The following IL4I1 variants were observed in gnomAD, a reference collection of about 807,000 sequenced individuals.
IL4I1 encodes L-amino-acid oxidase.
Under a neutral mutation model 29.7 loss-of-function variants are expected in IL4I1, and 24 were observed. That is an observed-to-expected ratio of 0.81 (90% CI 0.59 to 1.14). IL4I1 has a LOEUF of 1.14. Among genes scored for constraint, IL4I1 ranks in the 50% most tolerant of loss-of-function variants. IL4I1 has a pLI of 0.00. For synonymous variants in IL4I1, 371 were observed against 352.5 expected, an observed-to-expected ratio of 1.05 and a Z score of -0.59; for missense variants, 686 against 785.6, an observed-to-expected ratio of 0.87 and a Z score of 1.52.
intron 5 of IL4I1, among the ~76,000 whole-genome samples, chr19:49,893,169 C>T (rs1171163423): frequency 2.0e-5 from 3 of 152,100 alleles, no homozygotes; most frequent in African/African-American, 7.2e-5. Flanking sequence ...AGACTTTGTC[C>T]TGGAGGCAGC....
chr19:49,924,865 C>T lies in IL4I1; in HGVS notation c.-228+2829G>A, dbSNP rs556644943. Among the ~76,000 whole-genome samples, 6 of 152,286 alleles carry T rather than the reference C, an allele frequency of 3.9e-5. No individual in the cohort carries two copies. The East Asian group carries it at 9.6e-4, about 24-fold the overall frequency. ...TAGCTAGAGAGAAAAGGCGGCAAAA[C>T]GGTGGGGAGGGGAAGCAGAGTCCCT... is the stretch of plus-strand genomic sequence containing the variant. On this transcript the variant is annotated intron_variant, in intron 2 of 9. Coordinates refer to the IL4I1 transcript ENST00000341114.
upstream of IL4I1, among the ~76,000 whole-genome samples, chr19:49,901,373 G>A (rs563312164): frequency 6.6e-6 from 1 of 152,300 alleles, no homozygotes; most frequent in East Asian, 1.9e-4. Context: ...TACAGAGCGA[G>A]ACTCTGTCTC....
At chr19:49,891,190 C>A in intron 6 of IL4I1, 83 bp from the exon 7 acceptor site, 1 of 1,552,016 alleles carries the variant, frequency 6.4e-7, no homozygotes, top group South Asian at 1.2e-5. Flanking sequence ...GCCTCCTGGT[C>A]CCATGACATG....
At chr19:49,924,195 C>T (rs1459219523) in intron 2 of IL4I1, among the ~76,000 whole-genome samples, 2 of 152,276 alleles carry the variant, frequency 1.3e-5, no homozygotes, top group Non-Finnish European at 2.9e-5. Flanking sequence ...GCTGAGGTCC[C>T]ATCTAACTGG....
chr19:49,903,836 T>TG (rs74182075), intron 3 of IL4I1, among the ~76,000 whole-genome samples: 19,257 of 128,262 alleles, frequency 0.15, 1,943 homozygotes, highest in Non-Finnish European at 0.2. Context: ...CTGGGTTTTT[T>TG]TTTTTTTTTT....
At chr19:49,907,121 C>A (rs563598151) in intron 2 of IL4I1, 2 of 160,088 alleles carry the variant, frequency 1.2e-5, no homozygotes, top group Non-Finnish European at 2.8e-5. Flanking sequence ...TGGGGACACA[C>A]GGGGAACGAC....
intron 2 of IL4I1, among the ~76,000 whole-genome samples, chr19:49,918,143 T>A (rs1339381276): frequency 6.6e-6 from 1 of 151,852 alleles, no homozygotes; most frequent in Non-Finnish European, 1.5e-5. Flanking sequence ...CACAGCTCAC[T>A]GCAGCCTCGA....
chr19:49,910,654 C>A (rs2075440560), intron 2 of IL4I1, among the ~76,000 whole-genome samples: 3 of 150,502 alleles, frequency 2.0e-5, no homozygotes, highest in Admixed American at 2.0e-4. Flanking sequence ...CCTTGGACAC[C>A]TTCTCAACCA....
At chr19:49,922,434 C>A (rs558103966) in intron 2 of IL4I1, among the ~76,000 whole-genome samples, 103 of 152,228 alleles carry the variant, frequency 6.8e-4, no homozygotes, top group Admixed American at 6.1e-3. Context: ...ACTGTCCTCC[C>A]CTCCTTCACA....
chr19:49,922,243 G>A (rs1303855645), intron 2 of IL4I1, among the ~76,000 whole-genome samples: 1 of 152,182 alleles, frequency 6.6e-6, no homozygotes, highest in Non-Finnish European at 1.5e-5. Flanking sequence ...CCTTATTGAG[G>A]TGCCCTGCGA....
At chr19:49,914,608 C>G (rs2075570248) in intron 2 of IL4I1, among the ~76,000 whole-genome samples, 1 of 151,892 alleles carries the variant, frequency 6.6e-6, no homozygotes, top group East Asian at 1.9e-4. Flanking sequence ...CATCTGAATT[C>G]AGGTGGGCAT....
chr19:49,903,830 GTT>G (rs113175852), intron 3 of IL4I1, among the ~76,000 whole-genome samples: 33 of 66,506 alleles, frequency 5.0e-4, no homozygotes, highest in African/African-American at 2.0e-3. Context: ...TATGTGCTGG[GTT>G]TTTTTTTTTT....
intron 2 of IL4I1, chr19:49,907,980 G>A (rs2075361337): frequency 1.9e-5 from 12 of 642,612 alleles, no homozygotes; most frequent in Non-Finnish European, 2.6e-5. Context: ...GTGGGTGGTC[G>A]CAGTAGGTGA....
In IL4I1 at chr19:49,908,946, T is replaced by C. The variant is rs766592622; in HGVS notation, c.-227-4625A>G. Reference sequence around the variant, plus strand: ...GGTTTTAAATTCAAGGCAAAGCCGGTGGTGCTGCTGCTGCTGGTGGTGGTG... The same window carrying C: ...GGTTTTAAATTCAAGGCAAAGCCGGCGGTGCTGCTGCTGCTGGTGGTGGTG... On this transcript the variant is annotated intron_variant, in intron 2 of 9. Transcript: ENST00000341114. 5.0e-6 allele frequency: 8 copies of C among 1,608,860 alleles called. No homozygotes were observed. The East Asian group carries it at 1.3e-4, about 27-fold the overall frequency.
chr19:49,922,380 C>G (rs1341749116), intron 2 of IL4I1, among the ~76,000 whole-genome samples: 1 of 152,090 alleles, frequency 6.6e-6, no homozygotes, highest in Non-Finnish European at 1.5e-5. Flanking sequence ...CATCCTGAAC[C>G]TCAGGAAGGA....
chr19:49,919,682 C>G (rs763883178), intron 2 of IL4I1, among the ~76,000 whole-genome samples: 1 of 152,102 alleles, frequency 6.6e-6, no homozygotes, highest in Non-Finnish European at 1.5e-5. Flanking sequence ...GAGCTCTGGT[C>G]GCAGGACCAA....
chr19:49,914,406 G>C (rs1235583023), intron 2 of IL4I1, among the ~76,000 whole-genome samples: 1 of 152,168 alleles, frequency 6.6e-6, no homozygotes, highest in East Asian at 1.9e-4. Flanking sequence ...ACCATCTGTA[G>C]TTCACCCAGG....
chr19:49,891,317 C>A, intron 6 of IL4I1, 88 bp downstream of exon 6: 2 of 1,488,834 alleles, frequency 1.3e-6, no homozygotes, highest in Middle Eastern at 1.8e-4. Context: ...GACTAGGGTG[C>A]CAGGTACCCG....
In IL4I1 at chr19:49,895,199, C is replaced by T. The variant is rs141058021; in HGVS notation, c.253-19G>A. 2,875 of 1,599,450 alleles carry T rather than the reference C, an allele frequency of 1.8e-3. 36 individuals carry two copies. In the African/African-American group the frequency reaches 0.032, roughly 18 times the overall value. On this transcript the variant is annotated intron_variant, in intron 3 of 7. Transcript: ENST00000391826. ...TGGTGACCTGAGGGAGTCCGTGGGG[C>T]GAGGAGGGCCCTTCAGCTCCACCCA...
Sources: gnomAD v4.1 joint callset for allele counts (sites outside exome capture counted in the v4.1 genomes callset) on GRCh38, gnomAD v4.1.1 for gene constraint, MANE v1.5 for transcripts, NCBI Gene and HGNC (gene_info 2026-07-23, HGNC 2026-07-21) for gene names.